Variants in CACNA2D1 observed in about 807,000 individuals in gnomAD.
The protein encoded by CACNA2D1 is voltage-dependent calcium channel subunit alpha-2/delta-1.
CACNA2D1 carries 53 observed loss-of-function variants against 171.5 expected under a neutral mutation model. The ratio of observed to expected loss-of-function variants is 0.31; its 90% CI spans 0.25 to 0.39. CACNA2D1 has a LOEUF of 0.39. Ranked by LOEUF, CACNA2D1 falls within the 10% of genes least tolerant of loss-of-function variation. The pLI, the probability that CACNA2D1 is intolerant of heterozygous loss-of-function variation, is 1.00. For synonymous variants in CACNA2D1, 442 were observed against 443.1 expected (o/e 1.00, Z 0.03); for missense variants, 903 against 1,299.8 (o/e 0.69, Z 4.69).
At chr7:81,997,351 C>A in intron 18 of CACNA2D1, 101 bp from the exon 19 acceptor site, 1 of 731,092 alleles carries the variant, frequency 1.4e-6, no homozygotes, top group Non-Finnish European at 2.5e-6. Flanking sequence ...CAAAAATTAC[C>A]TAGGATACAA....
chr7:82,101,006 C>T (rs1436147972), intron 6 of CACNA2D1, among the ~76,000 whole-genome samples: 1 of 151,954 alleles, frequency 6.6e-6, no homozygotes, highest in African/African-American at 2.4e-5. Context: ...AAATCTAGAA[C>T]TTACTATTTA....
At chr7:82,227,342 C>G (rs1427664383) in intron 3 of CACNA2D1, among the ~76,000 whole-genome samples, 1 of 152,094 alleles carries the variant, frequency 6.6e-6, no homozygotes, top group East Asian at 1.9e-4. Context: ...TGCAACTGAT[C>G]TGAAAGAAAT....
At chr7:82,254,757 T>TA (rs1468936048) in intron 3 of CACNA2D1, among the ~76,000 whole-genome samples, 1 of 152,204 alleles carries the variant, frequency 6.6e-6, no homozygotes, top group Non-Finnish European at 1.5e-5. Context: ...ACACTGTTGA[T>TA]ACATATAATC....
chr7:82,117,317 G>T (rs1478706304), intron 5 of CACNA2D1, 144 bp from the exon 6 acceptor site: 4 of 784,670 alleles, frequency 5.1e-6, no homozygotes, highest in Non-Finnish European at 6.2e-6. Context: ...GATAGCATTG[G>T]ATACACAAAT....
chr7:82,177,217 GA>G (rs986344747), intron 3 of CACNA2D1, among the ~76,000 whole-genome samples: 3 of 150,988 alleles, frequency 2.0e-5, no homozygotes, highest in African/African-American at 4.9e-5. Context: ...CTTTATGTAA[GA>G]AAAAAAAGTA....
chr7:81,981,980 GTATA>G (rs1028348664), intron 24 of CACNA2D1, among the ~76,000 whole-genome samples: 1 of 151,996 alleles, frequency 6.6e-6, no homozygotes, highest in South Asian at 2.1e-4. Context: ...ACATATATGT[GTATA>G]TATGTGTACA....
chr7:82,170,384 G>T (rs1685374771), intron 4 of CACNA2D1, among the ~76,000 whole-genome samples, 166 bp downstream of exon 4: 1 of 150,960 alleles, frequency 6.6e-6, no homozygotes, highest in African/African-American at 2.4e-5. Flanking sequence ...AACTTAATTG[G>T]CCCTGATTAC....
At chr7:82,032,645 C>T in intron 12 of CACNA2D1, 152 bp downstream of exon 12, 1 of 554,022 alleles carries the variant, frequency 1.8e-6, no homozygotes, top group Non-Finnish European at 3.2e-6. Flanking sequence ...TCTAATACAC[C>T]TATTAGTTTA....
At chr7:82,028,252 G>T in intron 12 of CACNA2D1, 1 of 151,836 alleles carries the variant, frequency 6.6e-6, no homozygotes, top group South Asian at 2.1e-4. Context: ...CTCTGCAAAT[G>T]AACCAACAAA....
chr7:81,995,554 T>G (rs950979114), intron 19 of CACNA2D1, among the ~76,000 whole-genome samples: 1 of 152,172 alleles, frequency 6.6e-6, no homozygotes, highest in Non-Finnish European at 1.5e-5. Context: ...ATTCCAGCAC[T>G]TTGGGAGGCC....
intron 3 of CACNA2D1, among the ~76,000 whole-genome samples, chr7:82,216,063 T>G (rs1801068913): frequency 6.6e-6 from 1 of 152,214 alleles, no homozygotes; most frequent in Non-Finnish European, 1.5e-5. Context: ...GTTTACTCTG[T>G]CACTTTATCA....
chr7:82,383,113 TA>T (rs1330109070), intron 1 of CACNA2D1, among the ~76,000 whole-genome samples: 1 of 152,218 alleles, frequency 6.6e-6, no homozygotes, highest in Admixed American at 6.5e-5. Context: ...TAGGTATATT[TA>T]CACATTTGCC....
intron 4 of CACNA2D1, among the ~76,000 whole-genome samples, chr7:82,162,842 A>G (rs540436153): frequency 1.3e-5 from 2 of 152,044 alleles, no homozygotes; most frequent in Admixed American, 6.6e-5. Context: ...GGTAGCTCCC[A>G]ATGTCAAAAT....
At chr7:82,393,119 GAGGGAGGGAGGCAGGCAGGA>G (rs1373147820) in intron 1 of CACNA2D1, among the ~76,000 whole-genome samples, 7 of 123,738 alleles carry the variant, frequency 5.7e-5, no homozygotes, top group Admixed American at 5.0e-4. Context: ...GGCAGGGAGG[GAGGGAGGGAGGCAGGCAGGA>G]AGGGAGGGAG....
intron 6 of CACNA2D1, among the ~76,000 whole-genome samples, chr7:82,086,998 T>A (rs886731184): frequency 6.6e-6 from 1 of 152,144 alleles, no homozygotes; most frequent in Non-Finnish European, 1.5e-5. Flanking sequence ...AAGCCATTAC[T>A]AAGGTAGATT....
intron 24 of CACNA2D1, among the ~76,000 whole-genome samples, chr7:81,976,376 A>G (rs1199507939): frequency 2.0e-5 from 3 of 152,176 alleles, no homozygotes; most frequent in Non-Finnish European, 2.9e-5. Context: ...ATCCATGAGC[A>G]TGGAATGTTT....
At chr7:82,253,613 A>T (rs1393611719) in intron 3 of CACNA2D1, among the ~76,000 whole-genome samples, 1 of 152,248 alleles carries the variant, frequency 6.6e-6, no homozygotes, top group African/African-American at 2.4e-5. Flanking sequence ...CATACAAAAT[A>T]AATGAACATT....
chr7:82,287,762 G>A (rs10279949), intron 3 of CACNA2D1, among the ~76,000 whole-genome samples: 12,375 of 152,078 alleles, frequency 0.081, 1,670 homozygotes, highest in African/African-American at 0.28. Context: ...CAAATTATCA[G>A]CCATCTAACA....
intron 3 of CACNA2D1, among the ~76,000 whole-genome samples, chr7:82,320,702 A>G (rs543683021): frequency 1.3e-5 from 2 of 151,436 alleles, no homozygotes; most frequent in Non-Finnish European, 2.9e-5. Flanking sequence ...GGAGTGAGCC[A>G]CCACCTGACT....
Sources: gnomAD v4.1 joint callset for allele counts (sites outside exome capture counted in the v4.1 genomes callset) on GRCh38, gnomAD v4.1.1 for gene constraint, MANE v1.5 for transcripts, NCBI Gene and HGNC (gene_info 2026-07-23, HGNC 2026-07-21) for gene names.